The following ALG14 variants were observed in gnomAD, a reference collection of about 807,000 sequenced individuals.
The protein encoded by ALG14 is UDP-N-acetylglucosamine transferase subunit ALG14.
In ALG14, 17 loss-of-function variants were observed where a neutral mutation model predicts 22.8. That is an observed-to-expected ratio of 0.75 (90% CI 0.51 to 1.12). The LOEUF (loss-of-function observed/expected upper bound fraction) is 1.12, where lower values mean the gene tolerates loss of function less well. ALG14 is among the 50% of genes most tolerant of loss of function. The pLI is 0.00. For missense variants in ALG14, 288 were observed against 271.8 expected (o/e 1.06, Z -0.42); for synonymous variants, 89 against 103.7 (o/e 0.86, Z 0.86).
intron 3 of ALG14, among the ~76,000 whole-genome samples, chr1:95,010,676 A>T (rs1477523086): frequency 1.3e-5 from 2 of 152,196 alleles, no homozygotes; most frequent in African/African-American, 2.4e-5. Flanking sequence ...ATTTTGTATT[A>T]AAAAAGAAAG....
At chr1:95,002,739 C>A (rs1673101165) in intron 3 of ALG14, among the ~76,000 whole-genome samples, 1 of 152,186 alleles carries the variant, frequency 6.6e-6, no homozygotes, top group Non-Finnish European at 1.5e-5. Context: ...CTGCTCCTTC[C>A]CCACTCCCAC....
chr1:95,029,716 G>C (rs1019022665), intron 2 of ALG14, among the ~76,000 whole-genome samples: 1 of 152,188 alleles, frequency 6.6e-6, no homozygotes, highest in Non-Finnish European at 1.5e-5. Context: ...TATGCTCCAA[G>C]AGAACATGAG....
chr1:95,061,904 G>A (rs996271147), intron 2 of ALG14: 2 of 152,098 alleles, frequency 1.3e-5, no homozygotes, highest in African/African-American at 4.8e-5. Flanking sequence ...CCCAGAGAGA[G>A]GGATGGATAA....
chr1:95,034,357 G>T (rs1336208516), intron 2 of ALG14, among the ~76,000 whole-genome samples: 1 of 152,228 alleles, frequency 6.6e-6, no homozygotes, highest in Non-Finnish European at 1.5e-5. Flanking sequence ...CTCCATGAGA[G>T]AAAAGGATTT....
chr1:95,037,318 C>T (rs971235320), intron 2 of ALG14, among the ~76,000 whole-genome samples: 3 of 152,166 alleles, frequency 2.0e-5, no homozygotes, highest in Non-Finnish European at 4.4e-5. Context: ...GGAATCATTC[C>T]TGGCTACAAT....
At chr1:95,010,913 G>A (rs1249587959) in intron 3 of ALG14, among the ~76,000 whole-genome samples, 2 of 152,096 alleles carry the variant, frequency 1.3e-5, no homozygotes, top group Non-Finnish European at 2.9e-5. Flanking sequence ...AATTCTAACA[G>A]AGCATAGCAG....
At chr1:95,063,963 G>A (rs1437441683) in intron 2 of ALG14, among the ~76,000 whole-genome samples, 5 of 152,150 alleles carry the variant, frequency 3.3e-5, no homozygotes, top group Non-Finnish European at 7.4e-5. Flanking sequence ...TCACTGAGCA[G>A]TGGTTTGTAG....
intron 2 of ALG14, among the ~76,000 whole-genome samples, chr1:95,060,461 A>C (rs574195627): frequency 7.6e-4 from 116 of 152,246 alleles, no homozygotes; most frequent in African/African-American, 2.6e-3. Flanking sequence ...TCACGCCTGT[A>C]ATCCCAGCAC....
chr1:95,036,709 G>A (rs1172397421), intron 2 of ALG14, among the ~76,000 whole-genome samples: 1 of 151,986 alleles, frequency 6.6e-6, no homozygotes, highest in East Asian at 1.9e-4. Context: ...TTAAGGGCGT[G>A]AGCCACCGCG....
At chr1:95,048,719 G>C (rs1674649584) in intron 2 of ALG14, among the ~76,000 whole-genome samples, 1 of 151,896 alleles carries the variant, frequency 6.6e-6, no homozygotes, top group African/African-American at 2.4e-5. Flanking sequence ...ACTAATCCCA[G>C]TGGAAATTAC....
intron 2 of ALG14, among the ~76,000 whole-genome samples, chr1:95,052,029 C>T (rs918705599): frequency 1.3e-5 from 2 of 152,142 alleles, no homozygotes; most frequent in African/African-American, 4.8e-5. Context: ...TACTGTATTC[C>T]TAACACTTAG....
intron 2 of ALG14, among the ~76,000 whole-genome samples, chr1:95,058,431 T>C (rs1675012451): frequency 6.8e-6 from 1 of 146,762 alleles, no homozygotes; most frequent in South Asian, 2.2e-4. Flanking sequence ...CTGGCCAACA[T>C]GGCAAAACCC....
rs1172608884 is a variant in ALG14 at position 94,981,674 on chromosome 1, TTTTGTTTTG to T, written c.*1393_*1401del. On this transcript the variant is annotated 3_prime_UTR_variant, in exon 4 of 4. Coordinates refer to ENST00000370205, the MANE Select transcript of ALG14 (RefSeq NM_144988.4). The stretch of plus-strand genomic sequence containing the variant: ...AGAATCTTCTCTTTTCTGTTTTTTA[TTTTGTTTTG>T]TTTTTTTTTTTTTTGGCTGCTTTGT... 1 of 142,874 alleles carries T rather than the reference TTTTGTTTTG, an allele frequency of 7.0e-6. No individual in the cohort carries two copies. Among genetic ancestry groups the T allele is most frequent in the African/African-American group, 2.5e-5 (1 of 40,248 alleles). The allele number at this position is 142,874 out of a possible 1,614,324, so 8.9% of individuals were successfully genotyped here.
chr1:95,038,204 C>T (rs1046679554), intron 2 of ALG14, among the ~76,000 whole-genome samples: 5 of 151,974 alleles, frequency 3.3e-5, no homozygotes, highest in Admixed American at 2.6e-4. Context: ...ATTGGCCACG[C>T]GCGGTGGCTT....
At chr1:94,984,671 C>G (rs1032232242) in intron 3 of ALG14, among the ~76,000 whole-genome samples, 4 of 152,184 alleles carry the variant, frequency 2.6e-5, no homozygotes, top group Admixed American at 1.3e-4. Context: ...GGTCTTTAAT[C>G]TCCATTAAGT....
intron 1 of ALG14, among the ~76,000 whole-genome samples, chr1:95,071,198 T>C (rs1364020225): frequency 6.6e-6 from 1 of 152,190 alleles, no homozygotes; most frequent in African/African-American, 2.4e-5. Flanking sequence ...CCTAGAGGCC[T>C]GTGGTCTTAA....
chr1:94,983,814 T>C (rs1164690511), intron 3 of ALG14, among the ~76,000 whole-genome samples: 1 of 152,014 alleles, frequency 6.6e-6, no homozygotes, highest in African/African-American at 2.4e-5. Flanking sequence ...TGATCTCGGC[T>C]CACTGCAACC....
intron 2 of ALG14, among the ~76,000 whole-genome samples, chr1:95,046,927 A>G (rs1328850568): frequency 6.6e-6 from 1 of 152,074 alleles, no homozygotes; most frequent in African/African-American, 2.4e-5. Flanking sequence ...AGATTGCTGC[A>G]CTGCACTCCA....
chr1:94,993,794 C>A (rs542370416), intron 3 of ALG14, among the ~76,000 whole-genome samples: 11 of 152,310 alleles, frequency 7.2e-5, no homozygotes, highest in African/African-American at 2.4e-4. Context: ...AAGCTATAAG[C>A]AGTGCAGACA....
Sources: allele counts gnomAD v4.1 joint callset (sites outside exome capture counted in the v4.1 genomes callset), GRCh38; gene constraint gnomAD v4.1.1; transcripts MANE v1.5; gene names NCBI Gene and HGNC (gene_info 2026-07-23, HGNC 2026-07-21).